CACNA1B: variants seen among roughly 807,000 people sequenced by gnomAD.
CACNA1B encodes voltage-dependent N-type calcium channel subunit alpha-1B.
A neutral mutation model predicts 247.2 loss-of-function variants in CACNA1B; 70 were observed. The observed-to-expected ratio is 0.28, with a 90% CI of 0.23 to 0.35. The LOEUF (loss-of-function observed/expected upper bound fraction) is 0.35. Ranked by LOEUF, CACNA1B falls within the 10% of genes least tolerant of loss-of-function variation. The pLI, the probability that CACNA1B is intolerant of heterozygous loss-of-function variation, is 1.00. For synonymous variants in CACNA1B, 1,231 were observed against 1,294.4 expected (o/e 0.95, Z 1.05); for missense variants, 2,367 against 3,197.4 (o/e 0.74, Z 6.26).
At chr9:138,060,139 A>C (rs773795977) in intron 31 of CACNA1B, among the ~76,000 whole-genome samples, 106 of 152,236 alleles carry the variant, frequency 7.0e-4, no homozygotes, top group Middle Eastern at 3.4e-3. Flanking sequence ...ATCTCTCTCT[A>C]TATATATCTG....
intron 12 of CACNA1B, among the ~76,000 whole-genome samples, chr9:137,982,970 A>C (rs928760766): frequency 6.6e-6 from 1 of 152,218 alleles, no homozygotes; most frequent in Non-Finnish European, 1.5e-5. Flanking sequence ...TAAATGGTGC[A>C]CAGCCATTCC....
chr9:137,980,876 A>G (rs1301710850), intron 12 of CACNA1B, among the ~76,000 whole-genome samples: 1 of 152,182 alleles, frequency 6.6e-6, no homozygotes, highest in East Asian at 1.9e-4. Context: ...TGGTGTATAT[A>G]TAATGCATTT....
chr9:138,102,629 T>G lies in CACNA1B; in HGVS notation c.5223-82T>G. ...TGCTTCCTCCCTGCCCCTACCCCGCTCCCCTCCCCGCTCCCCTCCTGCTGC... is the reference window on the plus strand; with the variant it reads ...TGCTTCCTCCCTGCCCCTACCCCGCGCCCCTCCCCGCTCCCCTCCTGCTGC... On this transcript the variant is annotated intron_variant, in intron 37 of 46. Coordinates refer to ENST00000371372, the MANE Select transcript of CACNA1B (RefSeq NM_000718.4). This position sits in a 1 kb window ranked among gnomAD's most constrained non-coding sequence, Gnocchi z 5.4. The G allele has an allele frequency of 1.9e-6, 1 of 525,738 alleles. No homozygotes were observed. The highest frequency in any genetic ancestry group is 2.9e-5 in the Admixed American group (1 of 34,630). The allele number at this position is 525,738 out of a possible 1,614,324, so 32.6% of individuals were successfully genotyped here. A position where few individuals can be genotyped will look rare whatever the true frequency, so the allele number is the denominator to read the frequency against.
At chr9:137,958,642 C>T (rs1589033028) in intron 10 of CACNA1B, among the ~76,000 whole-genome samples, 1 of 152,134 alleles carries the variant, frequency 6.6e-6, no homozygotes, top group East Asian at 1.9e-4. Context: ...TTGTGAATGG[C>T]TGTCCTTCCT....
intron 37 of CACNA1B, 61 bp downstream of exon 37, chr9:138,096,672 TG>T: frequency 6.5e-7 from 1 of 1,532,466 alleles, no homozygotes; most frequent in Non-Finnish European, 8.9e-7. Flanking sequence ...GATCTTGGGA[TG>T]GGCCTGGTGG....
intron 36 of CACNA1B, among the ~76,000 whole-genome samples, chr9:138,084,474 A>G (rs1217680536): frequency 6.6e-6 from 1 of 151,226 alleles, no homozygotes; most frequent in African/African-American, 2.4e-5. Flanking sequence ...AAGTGCCCAC[A>G]ATTACTGCTA....
chr9:138,118,917 G>A, intron 44 of CACNA1B, 149 bp downstream of exon 44: 1 of 592,534 alleles, frequency 1.7e-6, no homozygotes, highest in South Asian at 2.0e-5. Flanking sequence ...GCAGGAGCAG[G>A]CACCCCGGGC....
At position 138,007,298 on chromosome 9, in the gene CACNA1B, G is replaced by GT. The variant is rs1387779317; in HGVS notation, c.2092+415dup. On this transcript the variant is annotated intron_variant, in intron 16 of 46. Coordinates refer to ENST00000371372, the MANE Select transcript of CACNA1B (RefSeq NM_000718.4). The surrounding 1 kb of genome is among the most constrained non-coding windows in gnomAD (Gnocchi z 4.1). ...GATACCATCCCCTTTGCAGAGAAAT[G>GT]TAAGGAAAGGTTTTCTGTGGAGGAT... Among the ~76,000 whole-genome samples, 1 of 152,070 alleles carries GT rather than the reference G, an allele frequency of 6.6e-6. No homozygotes were observed. The highest frequency in any genetic ancestry group is 1.5e-5 in the Non-Finnish European group (1 of 68,042).
chr9:137,972,137 G>A (rs1958159917), intron 11 of CACNA1B, among the ~76,000 whole-genome samples: 2 of 148,386 alleles, frequency 1.3e-5, no homozygotes, highest in African/African-American at 2.5e-5. Flanking sequence ...GGAGTGAGCT[G>A]TTTGCAGTTC....
Position 138,058,147 on chromosome 9 carries a change from T to A in CACNA1B, c.4205T>A (p.Val1402Asp). Reference sequence around the variant, plus strand: ...ATCTTCTACGTGGTCTACTTTGTGGTCTTTCCCTTCTTCTTCGTCAACATC... The same window carrying A: ...ATCTTCTACGTGGTCTACTTTGTGGACTTTCCCTTCTTCTTCGTCAACATC... ...LSIFYVVYFV[V>D]FPFFFVNIFV... The change falls in exon 28 of 47, where the codon GTC becomes GAC. Residue 1402 changes from valine to aspartate, a missense_variant. Val to Asp is a radical substitution (Grantham distance 152, BLOSUM62 -3). Around this residue, in one of 12 missense-constraint regions of CACNA1B, gnomAD observed 436 missense variants for 679.5 expected, o/e 0.64. Transcript: ENST00000371372. This position sits in a 1 kb window ranked among gnomAD's most constrained non-coding sequence, Gnocchi z 4.7. 1 of 1,613,948 alleles carries A rather than the reference T, an allele frequency of 6.2e-7. No homozygotes were observed. Among genetic ancestry groups the A allele is most frequent in the Non-Finnish European group, 8.5e-7 (1 of 1,179,792 alleles).
rs1033075770 is a variant in CACNA1B, at chr9:138,073,003, T to C, written c.4675-485T>C. ...GCGAGGGTCCCAGGCAAGCGAGGGC[T>C]TTGCTGACTGAGCCAGGGAGGAAAG... On this transcript the variant is annotated intron_variant, in intron 32 of 46. Transcript: ENST00000371372. The surrounding 1 kb of genome is among the most constrained non-coding windows in gnomAD (Gnocchi z 6.4). 2.6e-5 allele frequency among the ~76,000 whole-genome samples: 4 copies of C among 152,212 alleles called. No individual in the cohort carries two copies. The highest frequency in any genetic ancestry group is 2.1e-4 in the South Asian group (1 of 4,828).
chr9:138,115,479 G>GCCTGCCCCAT (rs1961819969), intron 41 of CACNA1B, 73 bp from the exon 42 acceptor site: 2 of 1,520,600 alleles, frequency 1.3e-6, no homozygotes, highest in South Asian at 2.5e-5. Flanking sequence ...CATGCCACAT[G>GCCTGCCCCAT]GTCAGAGCAG....
At chr9:137,907,486 C>T (rs1957311833) in intron 3 of CACNA1B, among the ~76,000 whole-genome samples, 2 of 152,184 alleles carry the variant, frequency 1.3e-5, no homozygotes, top group Admixed American at 1.3e-4. Flanking sequence ...AACACATCAC[C>T]AGGCTTTAAC....
chr9:137,998,771 A>ATGTT (rs1958529583), intron 15 of CACNA1B, among the ~76,000 whole-genome samples: 1 of 152,224 alleles, frequency 6.6e-6, no homozygotes, highest in Non-Finnish European at 1.5e-5. Context: ...TTGACCAAAA[A>ATGTT]CAGGCAGAAT....
At chr9:137,893,279 G>A (rs1214334320) in intron 3 of CACNA1B, among the ~76,000 whole-genome samples, 1 of 134,866 alleles carries the variant, frequency 7.4e-6, no homozygotes, top group African/African-American at 2.8e-5. Flanking sequence ...GGTTTATTAT[G>A]TGCTGGCTGC....
At chr9:138,031,377 G>A (rs1340644443) in intron 20 of CACNA1B, among the ~76,000 whole-genome samples, 1 of 152,158 alleles carries the variant, frequency 6.6e-6, no homozygotes, top group East Asian at 1.9e-4. Context: ...CAGAGAACAT[G>A]TTCTGTATTA....
intron 6 of CACNA1B, among the ~76,000 whole-genome samples, chr9:137,940,880 C>A (rs1564199028): frequency 6.6e-6 from 1 of 152,106 alleles, no homozygotes; most frequent in Admixed American, 6.6e-5. Context: ...ATGATTAAAA[C>A]CCTCAGCAAA....
In CACNA1B at chr9:137,952,212, C is replaced by T; in HGVS notation, c.967-62C>T. 1 of 1,342,478 alleles carries T rather than the reference C, an allele frequency of 7.4e-7. No homozygotes were observed. The highest frequency in any genetic ancestry group is 1.1e-6 in the Non-Finnish European group (1 of 935,446). The allele number at this position is 1,342,478 out of a possible 1,614,324, so 83.2% of individuals were successfully genotyped here. A position where few individuals can be genotyped will look rare whatever the true frequency, so the allele number is the denominator to read the frequency against. On this transcript the variant is annotated intron_variant, in intron 6 of 46. Coordinates refer to ENST00000371372, the MANE Select transcript of CACNA1B (RefSeq NM_000718.4). This position sits in a 1 kb window ranked among gnomAD's most constrained non-coding sequence, Gnocchi z 4.8. Reference sequence around the variant, plus strand: ...GGAGGCCTGTTGGGGGCTGGGGGTGCTCCTGTGGCCGGGACTGTGTTTTGT... The same window carrying T: ...GGAGGCCTGTTGGGGGCTGGGGGTGTTCCTGTGGCCGGGACTGTGTTTTGT...
At chr9:137,935,164 G>C (rs1044208699) in intron 6 of CACNA1B, among the ~76,000 whole-genome samples, 2 of 152,042 alleles carry the variant, frequency 1.3e-5, no homozygotes, top group African/African-American at 4.8e-5. Context: ...CAGATTTGTT[G>C]CATATGTATA....
Sources: allele counts gnomAD v4.1 joint callset (sites outside exome capture counted in the v4.1 genomes callset), GRCh38; gene constraint gnomAD v4.1.1; regional missense constraint gnomAD v4.1.1; non-coding constraint Gnocchi (gnomAD v3.1); transcripts MANE v1.5; gene names NCBI Gene and HGNC (gene_info 2026-07-23, HGNC 2026-07-21).